Variants in LRRC37A2 observed in about 807,000 individuals in gnomAD.
The protein encoded by LRRC37A2 is leucine rich repeat containing 37 member A2.
A neutral mutation model predicts 68.8 loss-of-function variants in LRRC37A2; 9 were observed. The observed-to-expected ratio is 0.13, with a 90% CI of 0.08 to 0.23. LRRC37A2 has a LOEUF of 0.23. Ranked by LOEUF, LRRC37A2 falls within the 10% of genes least tolerant of loss-of-function variation. The pLI, the probability that LRRC37A2 is intolerant of heterozygous loss-of-function variation, is 1.00. For synonymous variants in LRRC37A2, 63 were observed against 367.6 expected, an observed-to-expected ratio of 0.17 and a Z score of 9.48; for missense variants, 168 against 950.4, an observed-to-expected ratio of 0.18 and a Z score of 10.82.
chr17:46,792,088 G>A, the LRRC37A2 span, among the ~76,000 whole-genome samples: 102 of 152,308 alleles, frequency 6.7e-4, no homozygotes, highest in South Asian at 0.013. Context: ...CATAGAAATA[G>A]CGAACATTTA....
the LRRC37A2 span, chr17:46,729,016 G>A: frequency 1.2e-6 from 1 of 863,662 alleles, no homozygotes; most frequent in Non-Finnish European, 1.8e-6. Flanking sequence ...CTTTAAATAA[G>A]CAGGTTATCA....
At chr17:46,856,162 G>A in the LRRC37A2 span, among the ~76,000 whole-genome samples, 1 of 152,212 alleles carries the variant, frequency 6.6e-6, no homozygotes, top group Non-Finnish European at 1.5e-5. Context: ...GAAAGCCCAA[G>A]ACAGTGAATC....
chr17:46,458,764 C>A, the LRRC37A2 span, among the ~76,000 whole-genome samples: 1 of 109,198 alleles, frequency 9.2e-6, no homozygotes, highest in Admixed American at 8.9e-5. Context: ...TGGTCTCGAG[C>A]TCCCAACCTC....
chr17:46,963,041 C>G, the LRRC37A2 span, among the ~76,000 whole-genome samples: 1 of 152,146 alleles, frequency 6.6e-6, no homozygotes, highest in Non-Finnish European at 1.5e-5. Context: ...AGAAGCAGGG[C>G]TTGAATCAAG....
the LRRC37A2 span, chr17:46,935,124 G>GCACAATATTTTAGATGGA: frequency 1.9e-6 from 3 of 1,614,032 alleles, no homozygotes; most frequent in Non-Finnish European, 2.5e-6. Flanking sequence ...TTTTAGATGG[G>GCACAATATTTTAGATGGA]CACAATATTT....
chr17:46,949,643 G>A, the LRRC37A2 span, among the ~76,000 whole-genome samples: 2 of 152,196 alleles, frequency 1.3e-5, no homozygotes, highest in Non-Finnish European at 2.9e-5. Context: ...CAGCAATAAA[G>A]TGCACAAACC....
At chr17:46,768,340 C>T in the LRRC37A2 span, 12 of 1,613,572 alleles carry the variant, frequency 7.4e-6, no homozygotes, top group Non-Finnish European at 1.0e-5. The surrounding 1 kb of genome is among the most constrained non-coding windows in gnomAD (Gnocchi z 5.0). Context: ...GTGTGCACGT[C>T]GTAGATGCGA....
the LRRC37A2 span, chr17:47,021,895 G>C: frequency 9.2e-6 from 14 of 1,529,910 alleles, no homozygotes; most frequent in Admixed American, 1.7e-4. Flanking sequence ...GAAATGTATG[G>C]AAAGTGTACA....
chr17:46,858,803 G>C, the LRRC37A2 span, among the ~76,000 whole-genome samples: 1 of 151,032 alleles, frequency 6.6e-6, no homozygotes, highest in Non-Finnish European at 1.5e-5. Flanking sequence ...AGTAGCTGGG[G>C]CCACAGGCAT....
the LRRC37A2 span, chr17:46,941,248 CT>C: frequency 2.0e-6 from 2 of 992,062 alleles, no homozygotes; most frequent in Non-Finnish European, 2.4e-6. Context: ...CTGCGGAGTT[CT>C]GTACACCCTT....
chr17:46,491,225 T>C, the LRRC37A2 span, among the ~76,000 whole-genome samples: 1 of 151,092 alleles, frequency 6.6e-6, no homozygotes, highest in Non-Finnish European at 1.5e-5. Flanking sequence ...TTTTACAAAA[T>C]TGGATGAAGT....
chr17:46,975,747 C>T, the LRRC37A2 span, among the ~76,000 whole-genome samples: 5 of 152,138 alleles, frequency 3.3e-5, no homozygotes, highest in African/African-American at 4.8e-5. Context: ...CCCAAACACA[C>T]GTTAGTACAC....
chr17:46,728,788 A>G, the LRRC37A2 span: 8 of 1,190,350 alleles, frequency 6.7e-6, no homozygotes, highest in African/African-American at 1.6e-5. Flanking sequence ...AAAAAAAACA[A>G]AAACTGAATG....
At chr17:46,974,491 T>A in the LRRC37A2 span, among the ~76,000 whole-genome samples, 4 of 152,134 alleles carry the variant, frequency 2.6e-5, no homozygotes, top group African/African-American at 7.2e-5. Flanking sequence ...TCCCAGCACT[T>A]TGGGAGGCCG....
chr17:46,872,924 T>A, the LRRC37A2 span: 1 of 1,020,460 alleles, frequency 9.8e-7, no homozygotes, highest in Non-Finnish European at 1.4e-6. Context: ...ATGAGAAGAG[T>A]CACAAGAGTT....
the LRRC37A2 span, among the ~76,000 whole-genome samples, chr17:46,853,033 G>C: frequency 6.6e-6 from 1 of 152,126 alleles, no homozygotes; most frequent in Non-Finnish European, 1.5e-5. Context: ...TACAAAGAAG[G>C]GGTTGAACTT....
the LRRC37A2 span, among the ~76,000 whole-genome samples, chr17:46,787,637 A>G: frequency 1.1e-4 from 16 of 152,324 alleles, no homozygotes; most frequent in East Asian, 7.7e-4. Context: ...CAGTACCTGC[A>G]TACTATGTGC....
At chr17:46,876,012 A>G in the LRRC37A2 span, among the ~76,000 whole-genome samples, 2 of 152,114 alleles carry the variant, frequency 1.3e-5, no homozygotes, top group Non-Finnish European at 2.9e-5. Flanking sequence ...GTTGGTGTGA[A>G]CCGGGGCTGC....
chr17:46,976,301 G>A, the LRRC37A2 span, among the ~76,000 whole-genome samples: 1 of 151,396 alleles, frequency 6.6e-6, no homozygotes, highest in African/African-American at 2.4e-5. Flanking sequence ...GGGAGGCCGA[G>A]GCGGGTGGAT....
Sources: allele counts gnomAD v4.1 joint callset (sites outside exome capture counted in the v4.1 genomes callset), GRCh38; gene constraint gnomAD v4.1.1; non-coding constraint Gnocchi (gnomAD v3.1); transcripts MANE v1.5; gene names NCBI Gene and HGNC (gene_info 2026-07-23, HGNC 2026-07-21).